The following STRN3 variants were observed in gnomAD, a reference collection of about 807,000 sequenced individuals.
STRN3 encodes the protein striatin 3.
STRN3 carries 29 observed loss-of-function variants against 95.6 expected under a neutral mutation model. The observed-to-expected ratio is 0.30, with a 90% CI of 0.23 to 0.41. The LOEUF is 0.41. Among genes scored for constraint, STRN3 ranks in the 10% least tolerant of loss-of-function variants. STRN3 has a pLI of 1.00. For synonymous variants in STRN3, 331 were observed against 357.6 expected (o/e 0.93, Z 0.84); for missense variants, 890 against 972.1 (o/e 0.92, Z 1.12).
intron 7 of STRN3, 32 bp from the exon 8 acceptor site, chr14:30,929,343 AT>A (rs746177439): frequency 2.3e-5 from 37 of 1,581,222 alleles, no homozygotes; most frequent in Non-Finnish European, 3.5e-6. Flanking sequence ...AAGAAAAAAA[AT>A]CAGCAGTTGG....
chr14:30,976,977 C>T (rs553022157), intron 1 of STRN3, among the ~76,000 whole-genome samples: 1 of 152,192 alleles, frequency 6.6e-6, no homozygotes, highest in African/African-American at 2.4e-5. Context: ...GTAATCCCAG[C>T]ACTTTGGGAG....
intron 6 of STRN3, among the ~76,000 whole-genome samples, chr14:30,935,812 CAA>C (rs1287356225): frequency 6.6e-6 from 1 of 152,124 alleles, no homozygotes; most frequent in African/African-American, 2.4e-5. Flanking sequence ...TAGAATGTGT[CAA>C]AAAAGACTGA....
At chr14:31,011,359 A>C (rs1882960187) in intron 1 of STRN3, among the ~76,000 whole-genome samples, 1 of 151,908 alleles carries the variant, frequency 6.6e-6, no homozygotes, top group South Asian at 2.1e-4. Flanking sequence ...CAGACCCTTT[A>C]CTCTCAAACT....
chr14:30,973,593 G>A (rs1594521899), intron 1 of STRN3, among the ~76,000 whole-genome samples: 2 of 152,268 alleles, frequency 1.3e-5, no homozygotes, highest in South Asian at 4.1e-4. Context: ...AAAATCTGAA[G>A]AGAAGGGAAT....
intron 1 of STRN3, among the ~76,000 whole-genome samples, chr14:30,993,372 C>T (rs1882054916): frequency 6.6e-6 from 1 of 151,904 alleles, no homozygotes; most frequent in South Asian, 2.1e-4. Context: ...ATCATGAATA[C>T]CTATATCACA....
chr14:30,987,105 G>T (rs1377218411), intron 1 of STRN3, among the ~76,000 whole-genome samples: 1 of 152,060 alleles, frequency 6.6e-6, no homozygotes, highest in East Asian at 1.9e-4. Context: ...ACACTTACTA[G>T]TACAGGCTGT....
At chr14:30,925,449 T>C (rs2139036660) in intron 8 of STRN3, among the ~76,000 whole-genome samples, 1 of 152,238 alleles carries the variant, frequency 6.6e-6, no homozygotes, top group African/African-American at 2.4e-5. Context: ...TATGGTAAAG[T>C]TAGCAAATAG....
intron 3 of STRN3, among the ~76,000 whole-genome samples, chr14:30,951,198 A>G (rs550629098): frequency 6.6e-6 from 1 of 152,284 alleles, no homozygotes; most frequent in African/African-American, 2.4e-5. Flanking sequence ...AGTATCAAGG[A>G]ATCAAATGCC....
chr14:30,905,954 C>CA, intron 14 of STRN3, among the ~76,000 whole-genome samples: 1 of 152,302 alleles, frequency 6.6e-6, no homozygotes, highest in East Asian at 1.9e-4. Context: ...GAGACTGGTT[C>CA]ACCTATCAGA....
At position 30,911,180 on chromosome 14, in the gene STRN3, G is replaced by A; in HGVS notation, c.1599-18C>T. On this transcript the variant is annotated intron_variant, in intron 12 of 17. Coordinates refer to ENST00000357479, the MANE Select transcript of STRN3 (RefSeq NM_001083893.2). ...CAGGGCCGCTATTGTAGGAAGAGAG[G>A]AAAAACAAATTACTGATAAATTCTA... is the stretch of plus-strand genomic sequence containing the variant. 6.3e-7 allele frequency: 1 copy of A among 1,599,232 alleles called. No individual in the cohort carries two copies. The highest frequency in any genetic ancestry group is 8.5e-7 in the Non-Finnish European group (1 of 1,175,034).
intron 1 of STRN3, among the ~76,000 whole-genome samples, chr14:30,974,607 C>CAAAAAA (rs34613702): frequency 2.7e-4 from 32 of 120,680 alleles, no homozygotes; most frequent in African/African-American, 1.0e-3. Context: ...AGCATAACTA[C>CAAAAAA]AAAAAAAAAA....
chr14:30,985,916 A>G (rs1246056275), intron 1 of STRN3, among the ~76,000 whole-genome samples: 1 of 152,108 alleles, frequency 6.6e-6, no homozygotes, highest in African/African-American at 2.4e-5. Flanking sequence ...TATTTTTATT[A>G]AGTCTCCCAC....
At position 30,895,726 on chromosome 14, in the gene STRN3, T is replaced by A. The variant is rs1896125932; in HGVS notation, c.2160A>T (p.Val720=). 6.2e-7 allele frequency: 1 copy of A among 1,613,118 alleles called. No homozygotes were observed. Among genetic ancestry groups the A allele is most frequent in the South Asian group, 1.1e-5 (1 of 90,740 alleles). ...NKTGKMIHSM[V]AHLDAVTSLA... is the part of the protein sequence containing the mutation. ...GACTTGTAACAGCATCCAAGTGAGC[T>A]ACCATAGAATGGATCATTTTACCTA... The change falls in exon 17 of 18, where the codon GTA becomes GTT. Residue 720 remains valine, a synonymous_variant. Coordinates refer to ENST00000357479, the MANE Select transcript of STRN3 (RefSeq NM_001083893.2).
At chr14:30,964,574 G>A (rs540064500) in intron 1 of STRN3, 5 of 162,164 alleles carry the variant, frequency 3.1e-5, no homozygotes, top group Non-Finnish European at 5.4e-5. Flanking sequence ...AATGACTGTT[G>A]ATGTCAACTA....
At chr14:30,991,225 C>T (rs779529224) in intron 1 of STRN3, among the ~76,000 whole-genome samples, 2 of 152,120 alleles carry the variant, frequency 1.3e-5, no homozygotes, top group African/African-American at 2.4e-5. Context: ...ATTTCTCCTC[C>T]ATTAGATTTG....
rs562273235 is a variant in STRN3, at chr14:31,012,690, G to A, written c.282+13214C>T. ...GGGTGGATCACGAGGTCAGCAGTTA[G>A]AGACCAGCCTGAGCAACATGGTGAA... On this transcript the variant is annotated intron_variant, in intron 1 of 17. Transcript: ENST00000357479. Among the ~76,000 whole-genome samples, 3 of 152,240 alleles carry A rather than the reference G, an allele frequency of 2.0e-5. No homozygotes were observed. The East Asian group carries it at 5.8e-4, about 29-fold the overall frequency.
rs1594607483 is a variant in STRN3 at position 31,025,742 on chromosome 14, T to G, written c.282+162A>C. ...TTATGCGGGAAAGAGGGAGGGGGAC[T>G]CCAGGAAAAGCCGTTGAGAGGACCA... On this transcript the variant is annotated intron_variant, in intron 1 of 17. Coordinates refer to ENST00000357479, the MANE Select transcript of STRN3 (RefSeq NM_001083893.2). 16 of 972,486 alleles carry G rather than the reference T, an allele frequency of 1.6e-5. No individual in the cohort carries two copies. The East Asian group carries it at 4.4e-4, about 27-fold the overall frequency. The allele number at this position is 972,486 out of a possible 1,614,324, so 60.2% of individuals were successfully genotyped here.
chr14:30,917,429 T>C (rs72668349), intron 9 of STRN3, among the ~76,000 whole-genome samples: 9 of 152,324 alleles, frequency 5.9e-5, no homozygotes, highest in Non-Finnish European at 1.3e-4. Flanking sequence ...AACGTGGCTT[T>C]GCCTTAAATT....
intron 1 of STRN3, among the ~76,000 whole-genome samples, chr14:30,986,454 TAGCTAGA>T (rs1881697455): frequency 6.6e-6 from 1 of 152,220 alleles, no homozygotes; most frequent in African/African-American, 2.4e-5. Context: ...ATTACAGTAG[TAGCTAGA>T]TAGTAGCCAG....
Sources: allele counts gnomAD v4.1 joint callset (sites outside exome capture counted in the v4.1 genomes callset), GRCh38; gene constraint gnomAD v4.1.1; transcripts MANE v1.5; gene names NCBI Gene and HGNC (gene_info 2026-07-23, HGNC 2026-07-21).